The following RYR2 variants were observed in gnomAD, a reference collection of about 807,000 sequenced individuals.
The protein encoded by RYR2 is ryanodine receptor 2, also known as cardiac muscle ryanodine receptor-calcium release channel.
RYR2 carries 227 observed loss-of-function variants against 601.1 expected under a neutral mutation model. The ratio of observed to expected loss-of-function variants is 0.38; its 90% CI spans 0.34 to 0.42. RYR2 has a LOEUF of 0.42. Ranked by LOEUF, RYR2 falls within the 10% of genes least tolerant of loss-of-function variation. RYR2 has a pLI of 1.00. For missense variants in RYR2, 4,646 were observed against 6,156.5 expected, an observed-to-expected ratio of 0.75 and a Z score of 8.21; for synonymous variants, 2,223 against 2,175.1, an observed-to-expected ratio of 1.02 and a Z score of -0.61.
chr1:237,131,828 C>T (rs753228769), intron 1 of RYR2, among the ~76,000 whole-genome samples: 90 of 151,972 alleles, frequency 5.9e-4, no homozygotes, highest in Non-Finnish European at 1.8e-4. Context: ...TCAAGTGATC[C>T]TCCCACCTCA....
intron 25 of RYR2, among the ~76,000 whole-genome samples, chr1:237,531,513 C>A (rs995285150): frequency 1.3e-5 from 2 of 152,096 alleles, no homozygotes; most frequent in Non-Finnish European, 2.9e-5. Flanking sequence ...ATAATAGCAT[C>A]GAGATATAAT....
rs1347000181 is a variant in RYR2, at chr1:237,096,478, G to A, written c.48+53909G>A. On this transcript the variant is annotated intron_variant, in intron 1 of 104. Coordinates refer to ENST00000366574, the MANE Select transcript of RYR2 (RefSeq NM_001035.3). ...GGCGGATAACAAGACTGGAAACTTT[G>A]AGTACACAGGACCACACTGGTTTCA... 2.6e-5 allele frequency among the ~76,000 whole-genome samples: 4 copies of A among 152,174 alleles called. No homozygotes were observed. In the East Asian group the frequency reaches 5.8e-4, roughly 22 times the overall value.
chr1:237,485,188 C>T (rs1662548234), intron 17 of RYR2, among the ~76,000 whole-genome samples: 1 of 152,120 alleles, frequency 6.6e-6, no homozygotes, highest in Non-Finnish European at 1.5e-5. Flanking sequence ...AAATGAAATT[C>T]TCCAGATATA....
chr1:237,052,971 C>G (rs985195116), intron 1 of RYR2, among the ~76,000 whole-genome samples: 1 of 152,128 alleles, frequency 6.6e-6, no homozygotes, highest in Non-Finnish European at 1.5e-5. Flanking sequence ...GCCTCAGCCT[C>G]CTGAGTAGCT....
At chr1:237,208,054 G>C (rs1362599462) in intron 1 of RYR2, among the ~76,000 whole-genome samples, 2 of 152,210 alleles carry the variant, frequency 1.3e-5, no homozygotes, top group African/African-American at 4.8e-5. Flanking sequence ...ACTGATGTTG[G>C]TTGACCAGCG....
At chr1:237,607,791 T>A (rs12410114) in intron 35 of RYR2, among the ~76,000 whole-genome samples, 84,299 of 151,980 alleles carry the variant, frequency 0.55, 27,287 homozygotes, top group Non-Finnish European at 0.71. Context: ...CAGGCACACA[T>A]TGGAGTGAAT....
chr1:237,657,293 AG>A (rs1558155641), intron 53 of RYR2, among the ~76,000 whole-genome samples: 1 of 152,154 alleles, frequency 6.6e-6, no homozygotes, highest in East Asian at 1.9e-4. Context: ...GTATTCTCAA[AG>A]TTAATACTTT....
At position 237,792,394 on chromosome 1, in the gene RYR2, TGTGC is replaced by T. The variant is rs1473162531; in HGVS notation, c.13782+75_13782+78del. ...GTGTGTGTGTGTGCGTGTGTGTGTG[TGTGC>T]GTGTGTGTGTGTGTGTGTGTGTGTG... On this transcript the variant is annotated intron_variant, in intron 94 of 104. Transcript: ENST00000366574. The T allele has an allele frequency of 1.8e-3, 1,369 of 775,454 alleles. 2 individuals carry two copies. Among genetic ancestry groups the T allele is most frequent in the African/African-American group, 9.1e-3 (426 of 46,748 alleles). 48.0% of individuals were successfully genotyped at this position (775,454 alleles called of 1,614,324 possible).
intron 1 of RYR2, among the ~76,000 whole-genome samples, chr1:237,108,593 C>T (rs1276851532): frequency 6.6e-6 from 1 of 152,134 alleles, no homozygotes; most frequent in African/African-American, 2.4e-5. Flanking sequence ...ATCTATCAGT[C>T]GAAATTATTT....
rs1427186240 is a variant in RYR2, at chr1:237,803,305, A to AT, written c.14151+1394dup. Among the ~76,000 whole-genome samples the AT allele has an allele frequency of 3.3e-4, 38 of 113,612 alleles. No homozygotes were observed. The East Asian group carries it at 8.8e-3, about 26-fold the overall frequency. The allele number at this position is 113,612 out of a possible 152,430, so 74.5% of individuals were successfully genotyped here. A position where few individuals can be genotyped will look rare whatever the true frequency, so the allele number is the denominator to read the frequency against. On this transcript the variant is annotated intron_variant, in intron 98 of 104. Transcript: ENST00000366574. ...AATTTTCCTTTTCCTCAGTCTTTGC[A>AT]TTTTTCTTTTTTTTTTGAGACAGAG... is the stretch of plus-strand genomic sequence containing the variant.
chr1:237,481,138 A>G (rs1453764890), intron 17 of RYR2, among the ~76,000 whole-genome samples: 2 of 133,566 alleles, frequency 1.5e-5, no homozygotes, highest in South Asian at 2.2e-4. Context: ...ACACACATAT[A>G]TATATTCATA....
Position 237,569,276 on chromosome 1 carries a change from T to A in RYR2, c.3555T>A (p.Asp1185Glu), listed in dbSNP as rs1406509452. 6.2e-7 allele frequency: 1 copy of A among 1,613,888 alleles called. No homozygotes were observed. The highest frequency in any genetic ancestry group is 8.5e-7 in the Non-Finnish European group (1 of 1,179,850). The change falls in exon 29 of 105, where the codon GAT becomes GAA. Residue 1185 changes from aspartate (D) to glutamate (E), a missense_variant. This residue lies in a region of RYR2 where 1,807 missense variants were observed against 2,088.1 expected (regional missense o/e 0.87). Coordinates refer to ENST00000366574, the MANE Select transcript of RYR2 (RefSeq NM_001035.3). The part of the protein sequence containing the change: ...FTLNGEILLD[D>E]SGSELAFKDF... Reference sequence around the variant, plus strand: ...TGAATGGTGAAATCCTTCTTGATGATTCAGGCTCAGAACTGGCTTTCAAGG... The same window carrying A: ...TGAATGGTGAAATCCTTCTTGATGAATCAGGCTCAGAACTGGCTTTCAAGG...
chr1:237,161,767 G>T (rs901784322), intron 1 of RYR2, among the ~76,000 whole-genome samples: 18 of 152,086 alleles, frequency 1.2e-4, no homozygotes, highest in African/African-American at 4.3e-4. Flanking sequence ...GATGAAAAAA[G>T]ACCTGACAAC....
chr1:237,801,472 G>A (rs1384113308), intron 97 of RYR2, among the ~76,000 whole-genome samples: 1 of 150,068 alleles, frequency 6.7e-6, no homozygotes, highest in African/African-American at 2.4e-5. Context: ...AACCGGGGAG[G>A]CAGAGATTGC....
At chr1:237,454,706 C>A in intron 15 of RYR2, 132 bp downstream of exon 15, 1 of 721,178 alleles carries the variant, frequency 1.4e-6, no homozygotes, top group Non-Finnish European at 2.3e-6. Context: ...TACTACTGAA[C>A]AGGAGAAACA....
intron 10 of RYR2, among the ~76,000 whole-genome samples, chr1:237,403,509 C>G (rs551588195): frequency 1.4e-4 from 21 of 152,280 alleles, no homozygotes; most frequent in Admixed American, 3.9e-4. Context: ...GCCTCAACCC[C>G]CTGGCCTCAA....
chr1:237,156,459 C>T (rs1452165718), intron 1 of RYR2, among the ~76,000 whole-genome samples: 1 of 152,168 alleles, frequency 6.6e-6, no homozygotes, highest in Non-Finnish European at 1.5e-5. Flanking sequence ...AAGGAACCCG[C>T]TTAATTTTGC....
intron 1 of RYR2, among the ~76,000 whole-genome samples, chr1:237,084,727 C>G (rs763438165): frequency 6.6e-6 from 1 of 152,206 alleles, no homozygotes; most frequent in Non-Finnish European, 1.5e-5. Flanking sequence ...TTTGGCCAGG[C>G]ATTTCTTGAA....
At chr1:237,612,707 T>C (rs1405892373) in intron 36 of RYR2, among the ~76,000 whole-genome samples, 2 of 152,142 alleles carry the variant, frequency 1.3e-5, no homozygotes, top group African/African-American at 4.8e-5. Flanking sequence ...GGAATTCTTG[T>C]TTATGAAGGA....
Sources: allele counts gnomAD v4.1 joint callset (sites outside exome capture counted in the v4.1 genomes callset), GRCh38; gene constraint gnomAD v4.1.1; regional missense constraint gnomAD v4.1.1; transcripts MANE v1.5; gene names NCBI Gene and HGNC (gene_info 2026-07-23, HGNC 2026-07-21).